Variants in IP6K1 observed in about 807,000 individuals in gnomAD.
IP6K1 encodes the protein ATP:1D-myo-inositol-hexakisphosphate phosphotransferase.
A neutral mutation model predicts 38.3 loss-of-function variants in IP6K1; 13 were observed. The ratio of observed to expected loss-of-function variants is 0.34; its 90% CI spans 0.22 to 0.54. IP6K1 has a LOEUF of 0.54. Ranked by LOEUF, IP6K1 falls within the 20% of genes least tolerant of loss-of-function variation. The pLI, the probability that IP6K1 is intolerant of heterozygous loss-of-function variation, is 0.92. For synonymous variants in IP6K1, 212 were observed against 229.9 expected, an observed-to-expected ratio of 0.92 and a Z score of 0.70; for missense variants, 397 against 599.8, an observed-to-expected ratio of 0.66 and a Z score of 3.53.
intron 1 of IP6K1, among the ~76,000 whole-genome samples, chr3:49,764,187 G>T (rs949126633): frequency 1.3e-5 from 2 of 151,782 alleles, no homozygotes; most frequent in Admixed American, 1.3e-4. Flanking sequence ...TTTGAGACCA[G>T]CCTGGGCAAC....
Position 49,728,259 on chromosome 3 carries a change from G to A in IP6K1, c.636C>T (p.Asn212=), listed in dbSNP as rs137918392. Reference sequence around the variant, plus strand: ...AGGGGTACTTGAAGTGGTGCACCACGTTCTCAAGCAGGAGGAACTCTGGGC... The same window carrying A: ...AGGGGTACTTGAAGTGGTGCACCACATTCTCAAGCAGGAGGAACTCTGGGC... ...RKLYKFLLLE[N]VVHHFKYPCV... The change falls in exon 5 of 6, where the codon AAC becomes AAT. Residue 212 remains asparagine (N), a synonymous_variant. Coordinates refer to ENST00000321599, the MANE Select transcript of IP6K1 (RefSeq NM_153273.4). 202 of 1,613,292 alleles carry A rather than the reference G, an allele frequency of 1.3e-4. No homozygotes were observed. Among genetic ancestry groups the A allele is most frequent in the Middle Eastern group, 1.6e-4 (1 of 6,084 alleles).
At chr3:49,760,814 G>C (rs2080861782) in intron 1 of IP6K1, among the ~76,000 whole-genome samples, 1 of 151,956 alleles carries the variant, frequency 6.6e-6, no homozygotes, top group South Asian at 2.1e-4. Flanking sequence ...CTGGGAGTCA[G>C]AAACCATGTG....
intron 2 of IP6K1, among the ~76,000 whole-genome samples, chr3:49,743,212 C>T (rs1448198835): frequency 1.4e-5 from 2 of 147,870 alleles, no homozygotes; most frequent in Non-Finnish European, 3.0e-5. Flanking sequence ...GAAGCAAGAC[C>T]CTATCTCAAA....
At chr3:49,755,913 G>C (rs746223074) in intron 1 of IP6K1, among the ~76,000 whole-genome samples, 7 of 152,178 alleles carry the variant, frequency 4.6e-5, no homozygotes, top group Non-Finnish European at 1.0e-4. Flanking sequence ...ATTAGGCATA[G>C]TTATGAGGGT....
At chr3:49,757,109 C>T (rs1297213103) in intron 1 of IP6K1, among the ~76,000 whole-genome samples, 1 of 152,208 alleles carries the variant, frequency 6.6e-6, no homozygotes, top group East Asian at 1.9e-4. Flanking sequence ...AAACTGCTCA[C>T]ATGTGAAATG....
intron 1 of IP6K1, among the ~76,000 whole-genome samples, chr3:49,756,277 C>A (rs148192828): frequency 4.1e-4 from 62 of 152,258 alleles, no homozygotes; most frequent in African/African-American, 1.4e-3. Context: ...AGCCCATCAA[C>A]GAACAGCAAG....
chr3:49,732,755 C>T (rs757265260), intron 4 of IP6K1, 36 bp downstream of exon 4: 4 of 1,577,888 alleles, frequency 2.5e-6, no homozygotes, highest in Non-Finnish European at 2.6e-6. Flanking sequence ...CCTATGGACC[C>T]AGTAGACACT....
At chr3:49,765,226 C>A (rs1439460301) in intron 1 of IP6K1, among the ~76,000 whole-genome samples, 3 of 151,842 alleles carry the variant, frequency 2.0e-5, no homozygotes, top group Non-Finnish European at 4.4e-5. Flanking sequence ...ACTACTAGAC[C>A]AGATCTACAA....
At chr3:49,766,191 AAAAC>A (rs2080910076) in intron 1 of IP6K1, among the ~76,000 whole-genome samples, 1 of 151,722 alleles carries the variant, frequency 6.6e-6, no homozygotes, top group Non-Finnish European at 1.5e-5. Context: ...AACAAAAACA[AAAAC>A]AAAAACAAAA....
chr3:49,737,488 C>A (rs1011207503), intron 3 of IP6K1, among the ~76,000 whole-genome samples: 1 of 152,130 alleles, frequency 6.6e-6, no homozygotes, highest in African/African-American at 2.4e-5. Flanking sequence ...GAGTTCGAGA[C>A]CAGCCTAGCC....
intron 1 of IP6K1, among the ~76,000 whole-genome samples, chr3:49,763,049 C>CAA (rs780791555): frequency 6.6e-6 from 1 of 151,718 alleles, no homozygotes; most frequent in East Asian, 1.9e-4. Context: ...CTCAGCCTCT[C>CAA]AAAGTGCTGG....
intron 1 of IP6K1, among the ~76,000 whole-genome samples, chr3:49,764,273 T>A (rs1359197607): frequency 6.6e-6 from 1 of 151,976 alleles, no homozygotes; most frequent in Non-Finnish European, 1.5e-5. Flanking sequence ...TCTCAGCTAC[T>A]CAGGAGGCTG....
chr3:49,758,610 A>G (rs1236019796), intron 1 of IP6K1: 1 of 152,296 alleles, frequency 6.6e-6, no homozygotes, highest in African/African-American at 2.4e-5. Flanking sequence ...GACTTCATGA[A>G]AGAATTTTAG....
intron 3 of IP6K1, among the ~76,000 whole-genome samples, chr3:49,734,565 C>CG (rs2080590372): frequency 1.1e-5 from 1 of 88,614 alleles, no homozygotes; most frequent in South Asian, 4.2e-4. Context: ...CTAACCCTCT[C>CG]CAAGGGTCAG....
chr3:49,782,115 T>C (rs1024450376), intron 1 of IP6K1, among the ~76,000 whole-genome samples: 2 of 151,082 alleles, frequency 1.3e-5, no homozygotes, highest in Non-Finnish European at 2.9e-5. Flanking sequence ...TAAATAAAAA[T>C]ACTAAAGTTT....
chr3:49,768,918 A>G (rs1299938078), intron 1 of IP6K1, among the ~76,000 whole-genome samples: 1 of 152,196 alleles, frequency 6.6e-6, no homozygotes, highest in African/African-American at 2.4e-5. Flanking sequence ...TCAAAACATC[A>G]TTGTGAATGT....
intron 1 of IP6K1, among the ~76,000 whole-genome samples, chr3:49,771,447 G>A (rs570595376): frequency 2.8e-4 from 42 of 152,252 alleles, no homozygotes; most frequent in African/African-American, 9.4e-4. Context: ...TACAGGAAAA[G>A]GTGCTCAATA....
At chr3:49,786,104 C>T (rs565254708) in intron 1 of IP6K1, 1 of 152,438 alleles carries the variant, frequency 6.6e-6, no homozygotes, top group South Asian at 2.1e-4. Flanking sequence ...GTCAGAGAAG[C>T]TGGTTTCCCG....
At chr3:49,735,648 G>A (rs2080603056) in intron 3 of IP6K1, among the ~76,000 whole-genome samples, 1 of 152,166 alleles carries the variant, frequency 6.6e-6, no homozygotes, top group South Asian at 2.1e-4. Context: ...ACTGGCCAAA[G>A]AGGATCTGCT....
Sources: allele counts gnomAD v4.1 joint callset (sites outside exome capture counted in the v4.1 genomes callset), GRCh38; gene constraint gnomAD v4.1.1; transcripts MANE v1.5; gene names NCBI Gene and HGNC (gene_info 2026-07-23, HGNC 2026-07-21).